MTMR1: variants seen among roughly 807,000 people sequenced by gnomAD.
The protein encoded by MTMR1 is phosphatidylinositol-3-phosphate phosphatase MTMR1.
A neutral mutation model predicts 51.6 loss-of-function variants in MTMR1; 17 were observed. That is an observed-to-expected ratio of 0.33 (90% CI 0.23 to 0.49). The LOEUF (loss-of-function observed/expected upper bound fraction) is 0.49, where lower values mean the gene tolerates loss of function less well. MTMR1 is among the 20% of genes least tolerant of loss of function. The probability of loss-of-function intolerance (pLI) is 0.99; values close to 1 mark genes in which losing one functional copy is unlikely to be tolerated. For missense variants in MTMR1, 386 were observed against 526.9 expected, an observed-to-expected ratio of 0.73 and a Z score of 2.62; for synonymous variants, 201 against 205.6, an observed-to-expected ratio of 0.98 and a Z score of 0.19.
At chrX:150,761,379 G>C (rs184409883) in intron 15 of MTMR1, among the ~76,000 whole-genome samples, 2 of 112,062 alleles carry the variant, frequency 1.8e-5, no homozygotes, top group East Asian at 5.6e-4. Context: ...TTGCGGTCTC[G>C]CTCTCATCCT....
chrX:150,749,746 T>C (rs1557417541), intron 13 of MTMR1, among the ~76,000 whole-genome samples: 1 of 112,546 alleles, frequency 8.9e-6, no homozygotes, highest in African/African-American at 3.2e-5. Context: ...TTTCATATGT[T>C]AAGCCAGGCT....
intron 3 of MTMR1, chrX:150,712,888 G>C: frequency 1.2e-6 from 1 of 810,181 alleles, no homozygotes; most frequent in South Asian, 3.1e-5. Flanking sequence ...TTAAAATACA[G>C]ATATAGTGGG....
At chrX:150,754,468 T>C (rs1404317854) in intron 14 of MTMR1, among the ~76,000 whole-genome samples, 3 of 112,835 alleles carry the variant, frequency 2.7e-5, no homozygotes, top group Non-Finnish European at 5.6e-5. Context: ...ACTTTGTCAT[T>C]GTGCTTGATC....
intron 3 of MTMR1, among the ~76,000 whole-genome samples, chrX:150,715,065 T>G (rs2148586345): frequency 8.9e-6 from 1 of 111,906 alleles, no homozygotes; most frequent in South Asian, 3.7e-4. Flanking sequence ...CCCCAATGCT[T>G]ATGTGAAACA....
In MTMR1 at chrX:150,730,152, G is replaced by A; in HGVS notation, c.599G>A (p.Ser200Asn). ...CTTGCTTATAAACAGGAAGAACAGA[G>A]TAAACTAGGGATATTTGAAAACCTC... ...LRLAYKQEEQSKLGIFENLNK... is the reference protein window; with the variant it reads ...LRLAYKQEEQNKLGIFENLNK... Residue 200 changes from serine (S) to asparagine (N), a missense_variant, in exon 7 of 16, where the codon AGT (serine) becomes AAT (asparagine). Coordinates refer to ENST00000445323, the MANE Select transcript of MTMR1 (RefSeq NM_001306144.3). The A allele has an allele frequency of 1.2e-5, 14 of 1,205,504 alleles. No individual in the cohort carries two copies. The highest frequency in any genetic ancestry group is 1.6e-5 in the Non-Finnish European group (14 of 892,880).
intron 14 of MTMR1, chrX:150,751,312 A>G (rs1476729427): frequency 3.3e-6 from 2 of 611,052 alleles, no homozygotes; most frequent in African/African-American, 4.9e-5. Context: ...GTTACATCTC[A>G]TTTCTTTCTT....
At chrX:150,710,290 A>G (rs2041262468) in intron 2 of MTMR1, among the ~76,000 whole-genome samples, 1 of 111,746 alleles carries the variant, frequency 8.9e-6, no homozygotes, top group Non-Finnish European at 1.9e-5. Flanking sequence ...GATTACTTAA[A>G]CTGTGCCTTG....
At chrX:150,715,857 A>C (rs1557416377) in intron 3 of MTMR1, among the ~76,000 whole-genome samples, 1 of 112,755 alleles carries the variant, frequency 8.9e-6, no homozygotes, top group Non-Finnish European at 1.9e-5. Context: ...CTGACATATA[A>C]ATGCACAGAA....
intron 13 of MTMR1, among the ~76,000 whole-genome samples, chrX:150,747,832 C>A (rs1301205068): frequency 9.0e-6 from 1 of 111,687 alleles, no homozygotes; most frequent in Non-Finnish European, 1.9e-5. Flanking sequence ...GACTCTAGAA[C>A]ACACCTTTCC....
At chrX:150,745,700 C>T (rs1389911326) in intron 13 of MTMR1, among the ~76,000 whole-genome samples, 1 of 112,060 alleles carries the variant, frequency 8.9e-6, no homozygotes, top group Non-Finnish European at 1.9e-5. Context: ...ACAGCCAGCC[C>T]CTGGGAACCT....
intron 15 of MTMR1, among the ~76,000 whole-genome samples, chrX:150,756,714 G>A (rs1389075797): frequency 8.9e-6 from 1 of 112,342 alleles, no homozygotes; most frequent in African/African-American, 3.2e-5. Context: ...GCAGTGGCAT[G>A]AGCTTGGCTC....
At chrX:150,743,425 G>T (rs1004707784) in intron 12 of MTMR1, among the ~76,000 whole-genome samples, 1 of 111,569 alleles carries the variant, frequency 9.0e-6, no homozygotes, top group South Asian at 3.7e-4. Context: ...AAAAATAATG[G>T]TTCAAGTGAT....
At position 150,748,735 on chromosome X, in the gene MTMR1, G is replaced by T. The variant is rs977098511; in HGVS notation, c.1567-1995G>T. Reference sequence around the variant, plus strand: ...TCCCAGCTACTTGGCAGGCTGAAGTGGGAGGGATCACTTGAGCCTGGGACG... The same window carrying T: ...TCCCAGCTACTTGGCAGGCTGAAGTTGGAGGGATCACTTGAGCCTGGGACG... On this transcript the variant is annotated intron_variant, in intron 13 of 15. Transcript: ENST00000445323. 2.7e-5 allele frequency among the ~76,000 whole-genome samples: 3 copies of T among 110,774 alleles called. No individual in the cohort carries two copies. In the Admixed American group the frequency reaches 2.9e-4, roughly 11 times the overall value.
rs782026157 is a variant in MTMR1, at chrX:150,764,334, T to G, written c.*1605T>G. 2 of 109,668 alleles carry G rather than the reference T, an allele frequency of 1.8e-5. No homozygotes were observed. Among genetic ancestry groups the G allele is most frequent in the East Asian group, 2.8e-4 (1 of 3,612 alleles). The allele number at this position is 109,668 out of a possible 1,213,427, so 9.0% of individuals were successfully genotyped here. ...ACCAGAGAGATTTATTCAAGGTAAT[T>G]TGATAACCTAAAATCAATTCTCCAT... On this transcript the variant is annotated 3_prime_UTR_variant, in exon 16 of 16. Coordinates refer to ENST00000445323, the MANE Select transcript of MTMR1 (RefSeq NM_001306144.3).
chrX:150,724,527 C>T (rs2041866686), intron 4 of MTMR1, among the ~76,000 whole-genome samples: 1 of 111,722 alleles, frequency 9.0e-6, no homozygotes, highest in Admixed American at 9.5e-5. Context: ...ATATTTTCTC[C>T]CATTCTGTAG....
intron 2 of MTMR1, among the ~76,000 whole-genome samples, chrX:150,709,345 C>T (rs782631869): frequency 8.9e-6 from 1 of 112,145 alleles, no homozygotes; most frequent in East Asian, 2.8e-4. Flanking sequence ...CCCCTCCACC[C>T]CCATACCAGG....
chrX:150,709,724 G>A (rs782139855), intron 2 of MTMR1, among the ~76,000 whole-genome samples: 2 of 111,330 alleles, frequency 1.8e-5, no homozygotes, highest in Non-Finnish European at 3.8e-5. Context: ...GCAAGGCAGC[G>A]GGAGGTGCCA....
chrX:150,736,552 G>A (rs782791268), intron 10 of MTMR1, 43 bp from the exon 11 acceptor site: 15 of 1,153,999 alleles, frequency 1.3e-5, no homozygotes. Context: ...GAATAGAAAA[G>A]TTAATTCCAG....
At chrX:150,696,153 G>A (rs781864083) in intron 1 of MTMR1, among the ~76,000 whole-genome samples, 1 of 111,400 alleles carries the variant, frequency 9.0e-6, no homozygotes, top group East Asian at 2.8e-4. Flanking sequence ...GAGAGTCCAG[G>A]TTGGAGAAAC....
Sources: gnomAD v4.1 joint callset for allele counts (sites outside exome capture counted in the v4.1 genomes callset) on GRCh38, gnomAD v4.1.1 for gene constraint, MANE v1.5 for transcripts, NCBI Gene and HGNC (gene_info 2026-07-23, HGNC 2026-07-21) for gene names.